The following ZNF33B variants were observed in gnomAD, a reference collection of about 807,000 sequenced individuals.
ZNF33B encodes the protein zinc finger protein 11b (KOX 2).
Under a neutral mutation model 45.8 loss-of-function variants are expected in ZNF33B, and 29 were observed. The observed-to-expected ratio is 0.63, with a 90% CI of 0.47 to 0.86. The LOEUF (loss-of-function observed/expected upper bound fraction) is 0.86, where lower values mean the gene tolerates loss of function less well. Among genes scored for constraint, ZNF33B ranks in the 40% least tolerant of loss-of-function variants. The pLI is 0.00. For missense variants in ZNF33B, 831 were observed against 909.9 expected (o/e 0.91, Z 1.12); for synonymous variants, 305 against 307.8 (o/e 0.99, Z 0.10).
intron 1 of ZNF33B, chr10:42,581,582 T>C (rs1836826065): frequency 6.6e-6 from 1 of 151,504 alleles, no homozygotes; most frequent in Admixed American, 6.6e-5. Context: ...AGAAACCATG[T>C]AGAATGAGGT....
At chr10:42,604,835 C>T (rs1427096481) in intron 4 of ZNF33B, among the ~76,000 whole-genome samples, 2 of 151,626 alleles carry the variant, frequency 1.3e-5, no homozygotes, top group African/African-American at 2.4e-5. Flanking sequence ...GCAGGAGAAT[C>T]GCTTGACCCC....
chr10:42,636,692 C>T (rs967343461), intron 2 of ZNF33B: 13 of 569,264 alleles, frequency 2.3e-5, no homozygotes, highest in African/African-American at 1.5e-4. Context: ...TGGCGGCCTG[C>T]GCCTGTAGTC....
rs563633178 is a variant in ZNF33B at position 42,592,037 on chromosome 10, C to T, written c.*576G>A. 3.9e-5 allele frequency: 6 copies of T among 153,124 alleles called. No individual in the cohort carries two copies. The South Asian group carries it at 1.2e-3, about 32-fold the overall frequency. 9.5% of individuals were successfully genotyped at this position (153,124 alleles called of 1,614,324 possible). A position where few individuals can be genotyped will look rare whatever the true frequency, so the allele number is the denominator to read the frequency against. On this transcript the variant is annotated 3_prime_UTR_variant, in exon 5 of 5. Transcript: ENST00000359467. ...GGTAACATCGATTTCTTGGACTTGA[C>T]CATATACTATGATTATATATTATCC...
chr10:42,598,125 C>CTT (rs1023666316), intron 4 of ZNF33B, among the ~76,000 whole-genome samples: 2 of 151,588 alleles, frequency 1.3e-5, no homozygotes, highest in Admixed American at 1.3e-4. Flanking sequence ...TGCAGCAGTT[C>CTT]TTAACACCAG....
chr10:42,585,438 T>G (rs1836913672), downstream of ZNF33B, among the ~76,000 whole-genome samples: 1 of 152,214 alleles, frequency 6.6e-6, no homozygotes, highest in African/African-American at 2.4e-5. Context: ...GAAGACAGGC[T>G]AATGCAGAGA....
At chr10:42,577,132 C>CAAAAAA (rs71014272) in intron 1 of ZNF33B, among the ~76,000 whole-genome samples, 4 of 81,622 alleles carry the variant, frequency 4.9e-5, no homozygotes, top group African/African-American at 1.5e-4. Context: ...GACTCCATCT[C>CAAAAAA]AAAAAAAAAA....
chr10:42,593,222 C>G lies in ZNF33B; in HGVS notation c.1728G>C (p.Thr576=), dbSNP rs140658159. The change falls in exon 5 of 5, where the codon ACG becomes ACC. Residue 576 remains threonine (T), a synonymous_variant. Coordinates refer to ENST00000359467, the MANE Select transcript of ZNF33B (RefSeq NM_006955.3). ...STLSQHYRTH[T]GEKPYECHEC... is the part of the protein sequence containing the mutation. ...CATGACATTCATAGGGTTTCTCCCC[C>G]GTGTGTGTTCTATAATGTTGAGAGA... The G allele has an allele frequency of 6.2e-7, 1 of 1,613,356 alleles. No homozygotes were observed. Among genetic ancestry groups the G allele is most frequent in the Admixed American group, 1.7e-5 (1 of 59,946 alleles).
intron 4 of ZNF33B, among the ~76,000 whole-genome samples, chr10:42,607,107 G>C (rs1267636406): frequency 6.6e-6 from 1 of 151,794 alleles, no homozygotes; most frequent in Non-Finnish European, 1.5e-5. Flanking sequence ...AAATATATAT[G>C]CAATATATAT....
chr10:42,592,539 G>A lies in ZNF33B; in HGVS notation c.*74C>T. On this transcript the variant is annotated 3_prime_UTR_variant, in exon 5 of 5. Coordinates refer to ENST00000359467, the MANE Select transcript of ZNF33B (RefSeq NM_006955.3). ...TATTGAACATTCAGGATGTCAACAG[G>A]CCCTTCTCCACAGTGTGAAGACTCT... is the stretch of plus-strand genomic sequence containing the variant. 2 of 1,521,032 alleles carry A rather than the reference G, an allele frequency of 1.3e-6. No individual in the cohort carries two copies. Among genetic ancestry groups the A allele is most frequent in the Non-Finnish European group, 8.8e-7 (1 of 1,130,302 alleles). 94.2% of individuals were successfully genotyped at this position (1,521,032 alleles called of 1,614,324 possible).
intron 4 of ZNF33B, among the ~76,000 whole-genome samples, chr10:42,626,562 C>T (rs879477174): frequency 1.3e-5 from 2 of 152,012 alleles, no homozygotes; most frequent in Admixed American, 1.3e-4. Context: ...GTCGCATGCG[C>T]CTGTAGTCAC....
Position 42,592,274 on chromosome 10 carries a change from C to G in ZNF33B, c.*339G>C, listed in dbSNP as rs1837160184. 1 of 459,246 alleles carries G rather than the reference C, an allele frequency of 2.2e-6. No individual in the cohort carries two copies. Among genetic ancestry groups the G allele is most frequent in the Non-Finnish European group, 3.1e-6 (1 of 322,740 alleles). 28.4% of individuals were successfully genotyped at this position (459,246 alleles called of 1,614,324 possible). On this transcript the variant is annotated 3_prime_UTR_variant, in exon 5 of 5. Transcript: ENST00000359467. ...ATTTTATTTCTAAGCAAAATTTTCA[C>G]TTTAGATTTCTTAAATTGACAATTT... is the stretch of plus-strand genomic sequence containing the variant.
At chr10:42,599,807 A>G (rs1408710858) in intron 4 of ZNF33B, among the ~76,000 whole-genome samples, 1 of 152,100 alleles carries the variant, frequency 6.6e-6, no homozygotes, top group East Asian at 1.9e-4. Flanking sequence ...ATGGAAAACA[A>G]TGAAATCAAT....
chr10:42,604,986 G>A (rs1234998675), intron 4 of ZNF33B, among the ~76,000 whole-genome samples: 1 of 151,164 alleles, frequency 6.6e-6, no homozygotes, highest in Non-Finnish European at 1.5e-5. Context: ...CTTGAAGATG[G>A]ATCAATAGAG....
At chr10:42,601,437 C>T (rs1837611484) in intron 4 of ZNF33B, among the ~76,000 whole-genome samples, 1 of 149,202 alleles carries the variant, frequency 6.7e-6, no homozygotes, top group African/African-American at 2.5e-5. Flanking sequence ...TACCTGAAGT[C>T]CTGAAGTTCT....
rs1589038374 is a variant in ZNF33B at position 42,604,402 on chromosome 10, G to A, written c.251-9703C>T. 2.6e-5 allele frequency among the ~76,000 whole-genome samples: 4 copies of A among 152,160 alleles called. No homozygotes were observed. In the South Asian group the frequency reaches 8.3e-4, roughly 32 times the overall value. ...AGAGGTTGCAGTGAGCTGACATCATGCCTCTGAACTCCAGCCTGGGTGACA... is the reference window on the plus strand; with the variant it reads ...AGAGGTTGCAGTGAGCTGACATCATACCTCTGAACTCCAGCCTGGGTGACA... On this transcript the variant is annotated intron_variant, in intron 4 of 4. Coordinates refer to ENST00000359467, the MANE Select transcript of ZNF33B (RefSeq NM_006955.3).
intron 4 of ZNF33B, among the ~76,000 whole-genome samples, chr10:42,613,692 T>C (rs1357966031): frequency 6.6e-6 from 1 of 152,210 alleles, no homozygotes; most frequent in East Asian, 1.9e-4. Flanking sequence ...GGTTTAAGTA[T>C]AAACACATGT....
At chr10:42,598,647 G>T (rs573573305) in intron 4 of ZNF33B, among the ~76,000 whole-genome samples, 1 of 152,176 alleles carries the variant, frequency 6.6e-6, no homozygotes, top group Non-Finnish European at 1.5e-5. Context: ...GTGTAGCAAC[G>T]TGTGACTGCA....
chr10:42,627,784 T>C (rs1838874682), intron 4 of ZNF33B, among the ~76,000 whole-genome samples: 1 of 152,190 alleles, frequency 6.6e-6, no homozygotes, highest in Non-Finnish European at 1.5e-5. Flanking sequence ...TCACTCCAGA[T>C]GTTATTTAGA....
chr10:42,611,984 G>A (rs1288384862), intron 4 of ZNF33B, among the ~76,000 whole-genome samples: 3 of 152,118 alleles, frequency 2.0e-5, no homozygotes, highest in African/African-American at 7.2e-5. Flanking sequence ...GAGATGTTGA[G>A]TAAGAGTGAA....
Sources: allele counts gnomAD v4.1 joint callset (sites outside exome capture counted in the v4.1 genomes callset), GRCh38; gene constraint gnomAD v4.1.1; transcripts MANE v1.5; gene names NCBI Gene and HGNC (gene_info 2026-07-23, HGNC 2026-07-21).